Variants in CNTN4 observed in about 807,000 individuals in gnomAD.
CNTN4 encodes contactin-4.
CNTN4 carries 77 observed loss-of-function variants against 122.5 expected under a neutral mutation model. The ratio of observed to expected loss-of-function variants is 0.63; its 90% CI spans 0.52 to 0.76. CNTN4 has a LOEUF of 0.76. CNTN4 is among the 30% of genes least tolerant of loss of function. CNTN4 has a pLI of 0.00. For missense variants in CNTN4, 1,256 were observed against 1,259.1 expected (o/e 1.00, Z 0.04); for synonymous variants, 512 against 447.0 (o/e 1.15, Z -1.83).
At chr3:2,133,204 GT>G (rs2034531927) in intron 2 of CNTN4, among the ~76,000 whole-genome samples, 1 of 152,110 alleles carries the variant, frequency 6.6e-6, no homozygotes, top group Admixed American at 6.6e-5. Context: ...TCTAGCTTTA[GT>G]TACTTCATTT....
At chr3:2,399,470 G>C (rs1043612359) in intron 3 of CNTN4, among the ~76,000 whole-genome samples, 3 of 152,110 alleles carry the variant, frequency 2.0e-5, no homozygotes, top group African/African-American at 7.2e-5. Context: ...TCAGAATGGA[G>C]TGAGAGAGAG....
At chr3:2,804,065 G>GCACACACA (rs71058651) in intron 6 of CNTN4, among the ~76,000 whole-genome samples, 2,163 of 144,390 alleles carry the variant, frequency 0.015, 38 homozygotes, top group African/African-American at 0.049. Flanking sequence ...ATATATGTCT[G>GCACACACA]CACACACACA....
intron 2 of CNTN4, among the ~76,000 whole-genome samples, chr3:2,169,688 C>A (rs567805126): frequency 6.6e-6 from 1 of 152,086 alleles, no homozygotes; most frequent in Non-Finnish European, 1.5e-5. Flanking sequence ...TGAGCCACCG[C>A]GCCCGGCCTA....
intron 2 of CNTN4, among the ~76,000 whole-genome samples, chr3:2,332,489 T>G (rs13087989): frequency 0.073 from 11,087 of 152,008 alleles, 467 homozygotes; most frequent in Middle Eastern, 0.082. Flanking sequence ...TTAAGAAGAG[T>G]AACTTCTGTC....
At chr3:3,029,232 T>A (rs1168222581) in intron 15 of CNTN4, among the ~76,000 whole-genome samples, 1 of 152,216 alleles carries the variant, frequency 6.6e-6, no homozygotes, top group East Asian at 1.9e-4. Context: ...AGATTTAACA[T>A]CTTGGACATG....
chr3:2,265,761 T>G (rs1559393519), intron 2 of CNTN4, among the ~76,000 whole-genome samples: 2 of 104,124 alleles, frequency 1.9e-5, no homozygotes, highest in Non-Finnish European at 4.5e-5. Context: ...TTTATATATA[T>G]ATATTTTTTT....
intron 4 of CNTN4, among the ~76,000 whole-genome samples, chr3:2,732,868 T>C (rs745897912): frequency 1.3e-4 from 20 of 152,216 alleles, no homozygotes; most frequent in Non-Finnish European, 2.5e-4. Flanking sequence ...CAAAAGCCTG[T>C]GGATTTCCTT....
chr3:2,796,305 T>A (rs2092179172), intron 6 of CNTN4, among the ~76,000 whole-genome samples: 1 of 152,038 alleles, frequency 6.6e-6, no homozygotes, highest in Non-Finnish European at 1.5e-5. Context: ...TATTTGAAGG[T>A]TTTCTGGAAA....
At chr3:2,207,301 C>A (rs1463534857) in intron 2 of CNTN4, among the ~76,000 whole-genome samples, 1 of 152,074 alleles carries the variant, frequency 6.6e-6, no homozygotes, top group Admixed American at 6.6e-5. Flanking sequence ...ATACATCTCT[C>A]ACTTTAAATC....
intron 3 of CNTN4, among the ~76,000 whole-genome samples, chr3:2,411,970 G>C (rs936785161): frequency 1.1e-4 from 17 of 151,996 alleles, no homozygotes; most frequent in Non-Finnish European, 2.5e-4. Context: ...TTTACTCCTT[G>C]TCTGTCAATA....
chr3:2,716,113 C>T (rs926221354), intron 4 of CNTN4, among the ~76,000 whole-genome samples: 3 of 152,016 alleles, frequency 2.0e-5, no homozygotes, highest in African/African-American at 4.8e-5. Context: ...CACAGGTGTG[C>T]GCTACCATGC....
intron 2 of CNTN4, among the ~76,000 whole-genome samples, chr3:2,259,908 C>T (rs535705425): frequency 4.7e-5 from 7 of 150,048 alleles, no homozygotes; most frequent in African/African-American, 1.8e-4. Flanking sequence ...TCTCCCCATT[C>T]CCACTCTTCT....
intron 4 of CNTN4, among the ~76,000 whole-genome samples, chr3:2,588,542 C>G (rs1043915885): frequency 6.6e-6 from 1 of 151,792 alleles, no homozygotes; most frequent in African/African-American, 2.4e-5. Context: ...ATTTTTTGTA[C>G]TTTTAGTAGA....
At chr3:2,833,322 T>C (rs1053790444) in intron 7 of CNTN4, among the ~76,000 whole-genome samples, 4 of 152,168 alleles carry the variant, frequency 2.6e-5, no homozygotes, top group African/African-American at 7.2e-5. Flanking sequence ...CAAATAAACA[T>C]TGTAGCAAAT....
At chr3:2,661,658 C>T (rs1324913453) in intron 4 of CNTN4, among the ~76,000 whole-genome samples, 1 of 151,584 alleles carries the variant, frequency 6.6e-6, no homozygotes, top group Non-Finnish European at 1.5e-5. Flanking sequence ...ACTGAAAGTA[C>T]AAAATTAACC....
chr3:2,357,730 A>G (rs778894321), intron 3 of CNTN4, among the ~76,000 whole-genome samples: 6 of 152,228 alleles, frequency 3.9e-5, no homozygotes, highest in Non-Finnish European at 5.9e-5. Flanking sequence ...GTCATTTCTC[A>G]ATGCAAAAAT....
intron 8 of CNTN4, among the ~76,000 whole-genome samples, chr3:2,881,498 G>A (rs1236171521): frequency 6.8e-6 from 1 of 147,102 alleles, no homozygotes; most frequent in Non-Finnish European, 1.5e-5. Context: ...GGGCGACAGA[G>A]CAAGACTCAG....
chr3:2,328,032 C>G (rs574914762), intron 2 of CNTN4, among the ~76,000 whole-genome samples: 1 of 152,334 alleles, frequency 6.6e-6, no homozygotes, highest in African/African-American at 2.4e-5. Flanking sequence ...AGAATTTGAA[C>G]AAACAGAATT....
intron 2 of CNTN4, among the ~76,000 whole-genome samples, chr3:2,205,096 ACAC>A (rs2038277946): frequency 6.6e-6 from 1 of 151,876 alleles, no homozygotes; most frequent in Non-Finnish European, 1.5e-5. Flanking sequence ...GGTCATGTAA[ACAC>A]CAATTGTCTA....
Sources: gnomAD v4.1 joint callset for allele counts (sites outside exome capture counted in the v4.1 genomes callset) on GRCh38, gnomAD v4.1.1 for gene constraint, MANE v1.5 for transcripts, NCBI Gene and HGNC (gene_info 2026-07-23, HGNC 2026-07-21) for gene names.